Variants in CUL4A observed in about 807,000 individuals in gnomAD.
CUL4A encodes cullin-4A.
CUL4A carries 16 observed loss-of-function variants against 95.5 expected under a neutral mutation model. The observed-to-expected ratio is 0.17, with a 90% CI of 0.11 to 0.25. The LOEUF is 0.25. CUL4A is among the 10% of genes least tolerant of loss of function. CUL4A has a pLI of 1.00. For synonymous variants in CUL4A, 380 were observed against 353.1 expected (o/e 1.08, Z -0.85); for missense variants, 610 against 937.0 (o/e 0.65, Z 4.56).
intron 12 of CUL4A, among the ~76,000 whole-genome samples, chr13:113,244,742 G>A (rs2071421646): frequency 6.6e-6 from 1 of 152,040 alleles, no homozygotes; most frequent in Admixed American, 6.6e-5. Context: ...TTGGGAGGCT[G>A]AGGCAGAGAA....
rs1380077295 is a variant in CUL4A at position 113,229,576 on chromosome 13, C to G, written c.512+57C>G. The stretch of plus-strand genomic sequence containing the variant: ...TCCCTGCAGCTGATGCTTTTCGTCC[C>G]GTTTGTGTCTTCCGCAGGCTAAGAT... On this transcript the variant is annotated intron_variant, in intron 5 of 19. Coordinates refer to ENST00000375440, the MANE Select transcript of CUL4A (RefSeq NM_001008895.4). 2.1e-6 allele frequency: 3 copies of G among 1,406,838 alleles called. No homozygotes were observed. In the East Asian group the frequency reaches 6.9e-5, roughly 32 times the overall value. 87.1% of individuals were successfully genotyped at this position (1,406,838 alleles called of 1,614,324 possible).
chr13:113,263,031 T>G (rs2042326985), intron 19 of CUL4A: 2 of 127,436 alleles, frequency 1.6e-5, no homozygotes, highest in Non-Finnish European at 3.2e-5. Context: ...ATGTCGGGTC[T>G]GCCTCGCTTA....
At chr13:113,254,492 G>C (rs564304583) in intron 16 of CUL4A, among the ~76,000 whole-genome samples, 4 of 152,242 alleles carry the variant, frequency 2.6e-5, no homozygotes, top group Non-Finnish European at 5.9e-5. Context: ...CTACTCGGGA[G>C]GCTGAGGCAG....
chr13:113,223,189 G>A (rs1176982577), intron 3 of CUL4A, among the ~76,000 whole-genome samples: 1 of 152,094 alleles, frequency 6.6e-6, no homozygotes, highest in African/African-American at 2.4e-5. Flanking sequence ...TGAATGGCAC[G>A]GGTCCTGCTC....
rs747537690 is a variant in CUL4A at position 113,233,972 on chromosome 13, A to T, written c.751A>T (p.Met251Leu). Residue 251 changes from methionine to leucine, a missense_variant, in exon 7 of 20, where the codon ATG (methionine) becomes TTG (leucine). Around this residue, in one of 10 missense-constraint regions of CUL4A, gnomAD observed 153 missense variants for 244.5 expected, o/e 0.63. Coordinates refer to ENST00000375440, the MANE Select transcript of CUL4A (RefSeq NM_001008895.4). ...ATATGCTGCCGAAGGCCAAAGGTTAATGCAGGAAAGAGAGGTGAGATGATG... is the reference window on the plus strand; with the variant it reads ...ATATGCTGCCGAAGGCCAAAGGTTATTGCAGGAAAGAGAGGTGAGATGATG... Reference protein sequence around the residue: ...CLYAAEGQRLMQEREVPEYLN... With the variant: ...CLYAAEGQRLLQEREVPEYLN... 1.2e-6 allele frequency: 2 copies of T among 1,609,840 alleles called. No individual in the cohort carries two copies. The highest frequency in any genetic ancestry group is 4.5e-5 in the East Asian group (2 of 44,762).
At position 113,235,089 on chromosome 13, in the gene CUL4A, T is replaced by C; in HGVS notation, c.792T>C (p.Ser264=). The C allele has an allele frequency of 6.2e-7, 1 of 1,613,138 alleles. No homozygotes were observed. Residue 264 remains serine (S), a synonymous_variant, in exon 8 of 20, where the codon AGT becomes AGC. Transcript: ENST00000375440. ...REVPEYLNHV[S]KRLEEEGDRV... is the part of the protein sequence containing the mutation. ...TTCCAGAATATCTTAACCATGTAAG[T>C]AAACGCTTAGAGGAAGAGGGAGACA...
At chr13:113,249,972 CTT>C (rs1287192025) in intron 15 of CUL4A, among the ~76,000 whole-genome samples, 1 of 152,166 alleles carries the variant, frequency 6.6e-6, no homozygotes, top group East Asian at 1.9e-4. Flanking sequence ...TATAAGAGCT[CTT>C]TATATTCCAA....
intron 10 of CUL4A, among the ~76,000 whole-genome samples, chr13:113,240,856 C>T (rs747035087): frequency 4.6e-5 from 7 of 152,168 alleles, no homozygotes; most frequent in Non-Finnish European, 8.8e-5. Context: ...GCTGCCATGT[C>T]AGTACCCCAG....
intron 8 of CUL4A, among the ~76,000 whole-genome samples, 168 bp from the exon 9 acceptor site, chr13:113,236,655 A>AT (rs974541171): frequency 2.0e-5 from 3 of 152,186 alleles, no homozygotes; most frequent in Admixed American, 6.5e-5. Flanking sequence ...CTTCAGCGTC[A>AT]TTAGCAACAG....
In CUL4A at chr13:113,259,933, C is replaced by T. The variant is rs572550746; in HGVS notation, c.2032-674C>T. The stretch of plus-strand genomic sequence containing the variant: ...TCAAAAGAACATTTCCGGCCAGGCA[C>T]GGTGGCTCACGCCTGTAATCCCAGC... On this transcript the variant is annotated intron_variant, in intron 18 of 19. Coordinates refer to ENST00000375440, the MANE Select transcript of CUL4A (RefSeq NM_001008895.4). Among the ~76,000 whole-genome samples, 11 of 151,942 alleles carry T rather than the reference C, an allele frequency of 7.2e-5. No individual in the cohort carries two copies. In the East Asian group the frequency reaches 1.2e-3, roughly 16 times the overall value.
intron 15 of CUL4A, among the ~76,000 whole-genome samples, chr13:113,251,532 G>C (rs964339352): frequency 3.3e-5 from 5 of 152,142 alleles, no homozygotes; most frequent in Admixed American, 2.0e-4. Context: ...CACCACTGCT[G>C]GGGGAGGGCC....
Position 113,232,042 on chromosome 13 carries a change from C to G in CUL4A, c.513-1135C>G, listed in dbSNP as rs963436462. Reference sequence around the variant, plus strand: ...ACCACCACCACCATTACTGCTGCCACCACTACCCGCCCACCACCATTACTG... The same window carrying G: ...ACCACCACCACCATTACTGCTGCCAGCACTACCCGCCCACCACCATTACTG... On this transcript the variant is annotated intron_variant, in intron 5 of 19. Transcript: ENST00000375440. 1.3e-3 allele frequency among the ~76,000 whole-genome samples: 179 copies of G among 143,110 alleles called. 1 individual carries two copies. The highest frequency in any genetic ancestry group is 4.8e-3 in the African/African-American group (175 of 36,736). The allele number at this position is 143,110 out of a possible 152,430, so 93.9% of individuals were successfully genotyped here.
chr13:113,235,303 C>T (rs2041503550), intron 8 of CUL4A, among the ~76,000 whole-genome samples, 158 bp downstream of exon 8: 1 of 152,198 alleles, frequency 6.6e-6, no homozygotes, highest in Non-Finnish European at 1.5e-5. Context: ...CATTATTTGG[C>T]ATTCACAAAT....
Position 113,259,534 on chromosome 13 carries a change from T to C in CUL4A, c.2032-1073T>C, listed in dbSNP as rs183801290. 1.2e-3 allele frequency among the ~76,000 whole-genome samples: 185 copies of C among 152,350 alleles called. 1 individual carries two copies. Among genetic ancestry groups the C allele is most frequent in the African/African-American group, 4.3e-3 (178 of 41,580 alleles). ...TCAGATGCTTTTTTATTCATCCTTG[T>C]ATGCTAATGTTTGTTTTAAATCAAA... On this transcript the variant is annotated intron_variant, in intron 18 of 19. Transcript: ENST00000375440.
At chr13:113,216,842 G>A (rs554743705) in intron 2 of CUL4A, among the ~76,000 whole-genome samples, 1 of 152,344 alleles carries the variant, frequency 6.6e-6, no homozygotes, top group South Asian at 2.1e-4. Flanking sequence ...TTCCAGTGAT[G>A]AGTGCCTGTA....
In CUL4A at chr13:113,260,702, T is replaced by A. The variant is rs761285158; in HGVS notation, c.2127T>A (p.Thr709=). Residue 709 remains threonine (T), a synonymous_variant, in exon 19 of 20, where the codon ACT becomes ACA. Transcript: ENST00000375440. ...AIVRIMKMRK[T]LGHNLLVSEL... Reference sequence around the variant, plus strand: ...TCAGAATAATGAAGATGAGAAAGACTCTTGGTCATAATCTTCTAGTTTCTG... The same window carrying A: ...TCAGAATAATGAAGATGAGAAAGACACTTGGTCATAATCTTCTAGTTTCTG... The A allele has an allele frequency of 1.2e-6, 2 of 1,609,588 alleles. No homozygotes were observed. Among genetic ancestry groups the A allele is most frequent in the South Asian group, 1.1e-5 (1 of 90,194 alleles).
chr13:113,232,098 CACCACTACCCGCCCACCACCATTACTGT>C, intron 5 of CUL4A, among the ~76,000 whole-genome samples: 1 of 138,182 alleles, frequency 7.2e-6, no homozygotes, highest in Middle Eastern at 3.7e-3. Flanking sequence ...CCATTACTGT[CACCACTACCCGCCCACCACCATTACTGT>C]CACCACTACC....
intron 10 of CUL4A, among the ~76,000 whole-genome samples, chr13:113,241,948 A>G (rs537731862): frequency 1.3e-5 from 2 of 152,284 alleles, no homozygotes; most frequent in South Asian, 2.1e-4. Context: ...TATAGTTTAT[A>G]TCATCAAATG....
intron 9 of CUL4A, among the ~76,000 whole-genome samples, chr13:113,237,271 C>G (rs1264160121): frequency 6.6e-6 from 1 of 152,206 alleles, no homozygotes. Context: ...GCTGTTCGGG[C>G]TGTTAGATTT....
Sources: gnomAD v4.1 joint callset for allele counts (sites outside exome capture counted in the v4.1 genomes callset) on GRCh38, gnomAD v4.1.1 for gene constraint, gnomAD v4.1.1 regional missense constraint, MANE v1.5 for transcripts, NCBI Gene and HGNC (gene_info 2026-07-23, HGNC 2026-07-21) for gene names.